CWC22: variants seen among roughly 807,000 people sequenced by gnomAD.
CWC22 encodes the protein CWC22 spliceosome associated protein, also known as pre-mRNA-splicing factor CWC22 homolog.
CWC22 carries 53 observed loss-of-function variants against 117.2 expected under a neutral mutation model. The observed-to-expected ratio is 0.45, with a 90% confidence interval of 0.36 to 0.57. The LOEUF is 0.57. CWC22 is among the 20% of genes least tolerant of loss of function. The pLI, the probability that CWC22 is intolerant of heterozygous loss-of-function variation, is 0.00. For missense variants in CWC22, 980 were observed against 1,068.8 expected (o/e 0.92, Z 1.16); for synonymous variants, 360 against 355.6 (o/e 1.01, Z -0.14).
intron 11 of CWC22, among the ~76,000 whole-genome samples, chr2:179,968,402 T>C (rs1686944742): frequency 6.6e-6 from 1 of 152,076 alleles, no homozygotes; most frequent in South Asian, 2.1e-4. Flanking sequence ...CATACTTCAA[T>C]TAAAACAACC....
chr2:179,982,774 G>T (rs754495365), intron 4 of CWC22, among the ~76,000 whole-genome samples: 2 of 152,098 alleles, frequency 1.3e-5, no homozygotes, highest in Non-Finnish European at 2.9e-5. Context: ...AAACCATCAA[G>T]AACTAACGGG....
chr2:179,998,827 C>G (rs1687774190), intron 1 of CWC22, among the ~76,000 whole-genome samples: 1 of 152,092 alleles, frequency 6.6e-6, no homozygotes, highest in African/African-American at 2.4e-5. Flanking sequence ...CACTTGACCC[C>G]ATTGCACAAG....
intron 1 of CWC22, among the ~76,000 whole-genome samples, chr2:180,000,655 G>A (rs1687824191): frequency 6.6e-6 from 1 of 152,182 alleles, no homozygotes; most frequent in South Asian, 2.1e-4. Flanking sequence ...TGAATGACTA[G>A]ATTGCCAGGT....
intron 1 of CWC22, among the ~76,000 whole-genome samples, chr2:179,999,862 G>T (rs1319626643): frequency 6.6e-6 from 1 of 152,126 alleles, no homozygotes; most frequent in Non-Finnish European, 1.5e-5. Flanking sequence ...GGGGAAAGTG[G>T]TAATATTATA....
chr2:179,974,933 G>C (rs1384329183), intron 6 of CWC22, among the ~76,000 whole-genome samples: 1 of 152,132 alleles, frequency 6.6e-6, no homozygotes, highest in Admixed American at 6.5e-5. Flanking sequence ...ATTTTTCATA[G>C]AGACAGGTTT....
rs1687123687 is a variant in CWC22, at chr2:179,975,051, C to T, written c.582-1249G>A. Among the ~76,000 whole-genome samples, 3 of 152,098 alleles carry T rather than the reference C, an allele frequency of 2.0e-5. No individual in the cohort carries two copies. The South Asian group carries it at 6.2e-4, about 32-fold the overall frequency. Reference sequence around the variant, plus strand: ...TTACAGCGACCGTGCCTGGCCACTACATTCCATATTTTTTTAAAGATGAAT... The same window carrying T: ...TTACAGCGACCGTGCCTGGCCACTATATTCCATATTTTTTTAAAGATGAAT... On this transcript the variant is annotated intron_variant, in intron 6 of 19. Coordinates refer to ENST00000410053, the MANE Select transcript of CWC22 (RefSeq NM_020943.3).
In CWC22 at chr2:179,973,262, G is replaced by A. The variant is rs1287948646; in HGVS notation, c.751-16C>T. 3.8e-6 allele frequency: 6 copies of A among 1,584,038 alleles called. No homozygotes were observed. Among genetic ancestry groups the A allele is most frequent in the Non-Finnish European group, 5.2e-6 (6 of 1,162,742 alleles). ...GGCAAAGTTGCTGAAAAATAAAGGTGGAAAGTTAACCTATAAACTAAACCC... is the reference window on the plus strand; with the variant it reads ...GGCAAAGTTGCTGAAAAATAAAGGTAGAAAGTTAACCTATAAACTAAACCC... On this transcript the variant is annotated splice_polypyrimidine_tract_variant and intron_variant, in intron 7 of 19. Coordinates refer to ENST00000410053, the MANE Select transcript of CWC22 (RefSeq NM_020943.3).
chr2:179,967,201 T>G (rs902559103), intron 11 of CWC22, among the ~76,000 whole-genome samples: 36 of 152,210 alleles, frequency 2.4e-4, no homozygotes, highest in Non-Finnish European at 4.1e-4. Context: ...ACTAAAGCTG[T>G]GCCCACTTCC....
chr2:179,952,403 T>TTA (rs1444304627), intron 17 of CWC22, 68 bp downstream of exon 17: 1 of 1,224,754 alleles, frequency 8.2e-7, no homozygotes, highest in Non-Finnish European at 1.1e-6. Flanking sequence ...TCGGATGGGC[T>TTA]TATGTCTGCT....
intron 13 of CWC22, among the ~76,000 whole-genome samples, chr2:179,963,010 A>G (rs1686793292): frequency 6.6e-6 from 1 of 152,140 alleles, no homozygotes; most frequent in African/African-American, 2.4e-5. Flanking sequence ...AACATCTAAG[A>G]CAGGAGTTAC....
At position 179,970,578 on chromosome 2, in the gene CWC22, A is replaced by G; in HGVS notation, c.1148-15T>C. The stretch of plus-strand genomic sequence containing the variant: ...CTTGAAAACATCTAAAAAAAATGTA[A>G]AAGTTAATGTTTATTTTCTATATTT... On this transcript the variant is annotated splice_polypyrimidine_tract_variant and intron_variant, in intron 10 of 19. Coordinates refer to ENST00000410053, the MANE Select transcript of CWC22 (RefSeq NM_020943.3). The G allele has an allele frequency of 6.4e-7, 1 of 1,551,626 alleles. No homozygotes were observed. Among genetic ancestry groups the G allele is most frequent in the Non-Finnish European group, 8.7e-7 (1 of 1,147,106 alleles).
In CWC22 at chr2:179,982,004, T is replaced by A. The variant is rs781600087; in HGVS notation, c.207-7A>T. 1.4e-6 allele frequency: 2 copies of A among 1,469,204 alleles called. No homozygotes were observed. Among genetic ancestry groups the A allele is most frequent in the African/African-American group, 2.8e-5 (2 of 70,448 alleles). 91.0% of individuals were successfully genotyped at this position (1,469,204 alleles called of 1,614,324 possible). A position where few individuals can be genotyped will look rare whatever the true frequency, so the allele number is the denominator to read the frequency against. ...TTTTTCTCGGTCCCTGTTTCTGTAA[T>A]ATAAATTTTTTGAAGAGCAGAAAAG... is the stretch of plus-strand genomic sequence containing the variant. On this transcript the variant is annotated splice_region_variant and splice_polypyrimidine_tract_variant and intron_variant, in intron 4 of 19. Transcript: ENST00000410053.
intron 2 of CWC22, among the ~76,000 whole-genome samples, chr2:179,989,652 G>C (rs1687510099): frequency 6.6e-6 from 1 of 152,070 alleles, no homozygotes; most frequent in Non-Finnish European, 1.5e-5. Context: ...ACTGACATGA[G>C]ACAGAGATGT....
chr2:180,001,518 T>C (rs551142605), intron 1 of CWC22, among the ~76,000 whole-genome samples: 1 of 152,070 alleles, frequency 6.6e-6, no homozygotes, highest in African/African-American at 2.4e-5. Context: ...TTAGTAGAGA[T>C]GGGGTTTCGC....
intron 4 of CWC22, among the ~76,000 whole-genome samples, chr2:179,986,224 T>A (rs1687416076): frequency 6.6e-6 from 1 of 152,146 alleles, no homozygotes; most frequent in Admixed American, 6.5e-5. Context: ...ATCCTTCACA[T>A]GTAGAAAAAA....
chr2:179,976,636 T>C (rs767639721), intron 6 of CWC22, among the ~76,000 whole-genome samples: 1 of 151,348 alleles, frequency 6.6e-6, no homozygotes, highest in African/African-American at 2.4e-5. Flanking sequence ...ACAAATAGCA[T>C]ATATATATAT....
chr2:179,982,569 T>C (rs925514471), intron 4 of CWC22, among the ~76,000 whole-genome samples: 4 of 152,202 alleles, frequency 2.6e-5, no homozygotes, highest in South Asian at 4.1e-4. Context: ...AAGACTACTA[T>C]AGAATATAAT....
At chr2:179,982,616 T>C (rs1687312972) in intron 4 of CWC22, among the ~76,000 whole-genome samples, 1 of 152,212 alleles carries the variant, frequency 6.6e-6, no homozygotes, top group Non-Finnish European at 1.5e-5. Context: ...AATATTTTCA[T>C]TAGAAATCTC....
intron 1 of CWC22, among the ~76,000 whole-genome samples, chr2:180,002,629 T>C (rs572590938): frequency 6.6e-6 from 1 of 152,300 alleles, no homozygotes; most frequent in South Asian, 2.1e-4. Context: ...GACTCTGTCC[T>C]TGGGTAAAGA....
Sources: gnomAD v4.1 joint callset for allele counts (sites outside exome capture counted in the v4.1 genomes callset) on GRCh38, gnomAD v4.1.1 for gene constraint, MANE v1.5 for transcripts, NCBI Gene and HGNC (gene_info 2026-07-23, HGNC 2026-07-21) for gene names.